NAE1: variants seen among roughly 807,000 people sequenced by gnomAD.
The protein encoded by NAE1 is NEDD8 activating enzyme E1 subunit 1, also known as NEDD8-activating enzyme E1 regulatory subunit.
NAE1 carries 59 observed loss-of-function variants against 88.0 expected under a neutral mutation model. The ratio of observed to expected loss-of-function variants is 0.67; its 90% CI spans 0.54 to 0.83. The LOEUF (loss-of-function observed/expected upper bound fraction) is 0.83, where lower values mean the gene tolerates loss of function less well. Ranked by LOEUF, NAE1 falls within the 40% of genes least tolerant of loss-of-function variation. The pLI, the probability that NAE1 is intolerant of heterozygous loss-of-function variation, is 0.00. For missense variants in NAE1, 554 were observed against 632.8 expected (o/e 0.88, Z 1.34); for synonymous variants, 186 against 208.9 (o/e 0.89, Z 0.95).
intron 19 of NAE1, chr16:66,805,481 A>T (rs536137357): frequency 6.5e-6 from 2 of 308,452 alleles, no homozygotes; most frequent in Admixed American, 5.0e-5. Context: ...TCTACAAAAA[A>T]TTGAAAAATT....
rs770534524 is a variant in NAE1, at chr16:66,803,065, T to G, written c.1549A>C (p.Asn517His). The G allele has an allele frequency of 1.6e-5, 25 of 1,612,890 alleles. No homozygotes were observed. The East Asian group carries it at 5.4e-4, about 35-fold the overall frequency. The change falls in exon 20 of 20, where the codon AAT becomes CAT. Residue 517 changes from asparagine to histidine, a missense_variant. Transcript: ENST00000290810. ...ATGCCACTGTAAATGTAAGTATTAT[T>G]AAAAATTACAAATTGTTTGGTGATT... is the stretch of plus-strand genomic sequence containing the variant. ...KIITKQFVIF[N>H]NTYIYSGMSQ...
rs957154822 is a variant in NAE1 at position 66,827,835 on chromosome 16, G to A, written c.54-1055C>T. On this transcript the variant is annotated intron_variant, in intron 1 of 19. Coordinates refer to ENST00000290810, the MANE Select transcript of NAE1 (RefSeq NM_003905.4). ...GTAGTCAGTATGTCCTCCAGAGCAT[G>A]TCAAGCAACTGCCTTGTTTTTTGTT... The A allele has an allele frequency of 7.6e-6, 5 of 655,012 alleles. No individual in the cohort carries two copies. The African/African-American group carries it at 9.1e-5, about 12-fold the overall frequency. The allele number at this position is 655,012 out of a possible 1,614,324, so 40.6% of individuals were successfully genotyped here.
intron 1 of NAE1, among the ~76,000 whole-genome samples, chr16:66,828,877 A>T (rs897454801): frequency 1.3e-5 from 2 of 151,736 alleles, no homozygotes; most frequent in Admixed American, 6.6e-5. Context: ...CAAGAGGCTG[A>T]GGCAGGAGGA....
intron 1 of NAE1, among the ~76,000 whole-genome samples, chr16:66,829,559 C>A (rs371747102): frequency 7.2e-5 from 11 of 152,342 alleles, no homozygotes; most frequent in Middle Eastern, 3.4e-3. Context: ...AAAGCCTCTA[C>A]TACAGCACTA....
At chr16:66,806,223 G>A (rs1392433107) in intron 17 of NAE1, 197 bp from the exon 18 acceptor site, 2 of 517,690 alleles carry the variant, frequency 3.9e-6, no homozygotes, top group Non-Finnish European at 6.2e-6. Context: ...GTAAAAATTT[G>A]AATTTAATTA....
At chr16:66,808,892 A>G (rs974091860) in intron 16 of NAE1, 97 bp downstream of exon 16, 2 of 747,244 alleles carry the variant, frequency 2.7e-6, no homozygotes, top group Non-Finnish European at 4.1e-6. Flanking sequence ...GTTATCTTTA[A>G]TATCATCACC....
intron 17 of NAE1, among the ~76,000 whole-genome samples, chr16:66,807,864 T>A (rs900939135): frequency 6.6e-6 from 1 of 152,044 alleles, no homozygotes; most frequent in African/African-American, 2.4e-5. Context: ...AACAAAGAAA[T>A]TCCTACATCT....
At chr16:66,803,707 C>T (rs1235564320) in intron 19 of NAE1, among the ~76,000 whole-genome samples, 1 of 151,980 alleles carries the variant, frequency 6.6e-6, no homozygotes, top group African/African-American at 2.4e-5. Flanking sequence ...TCTCTTGCCT[C>T]AGCCTCCCAA....
chr16:66,809,367 T>G (rs1208583269), intron 15 of NAE1, among the ~76,000 whole-genome samples: 3 of 152,220 alleles, frequency 2.0e-5, no homozygotes, highest in Non-Finnish European at 4.4e-5. Context: ...AGAATTGTTC[T>G]ACAGATTAAA....
Position 66,811,740 on chromosome 16 carries a change from TA to T in NAE1, c.1035-969del, listed in dbSNP as rs138949025. On this transcript the variant is annotated intron_variant, in intron 13 of 19. Coordinates refer to ENST00000290810, the MANE Select transcript of NAE1 (RefSeq NM_003905.4). ...TTACGTCTATTTACCTTTCACCCTC[TA>T]AAAATCATCAGTGTTCAGGCTGACT... is the stretch of plus-strand genomic sequence containing the variant. 1.8e-3 allele frequency among the ~76,000 whole-genome samples: 274 copies of T among 152,314 alleles called. 1 individual carries two copies. The highest frequency in any genetic ancestry group is 6.2e-3 in the African/African-American group (256 of 41,560).
At position 66,812,475 on chromosome 16, in the gene NAE1, A is replaced by G. The variant is rs563966540; in HGVS notation, c.1034+1089T>C. ...GTGGTAATTCTGTATTTCCCATTCAATTTTGCTTTGAGCTTAACAAGAATT... is the reference window on the plus strand; with the variant it reads ...GTGGTAATTCTGTATTTCCCATTCAGTTTTGCTTTGAGCTTAACAAGAATT... On this transcript the variant is annotated intron_variant, in intron 13 of 19. Coordinates refer to ENST00000290810, the MANE Select transcript of NAE1 (RefSeq NM_003905.4). Among the ~76,000 whole-genome samples the G allele has an allele frequency of 2.9e-3, 434 of 147,714 alleles. 1 individual carries two copies. Among genetic ancestry groups the G allele is most frequent in the Non-Finnish European group, 5.0e-3 (331 of 66,808 alleles).
Position 66,805,763 on chromosome 16 carries a change from T to C in NAE1, c.1495+14A>G, listed in dbSNP as rs769528826. ...ATGTAACAACAGGTGAGTCTTCTCA[T>C]ATATGGAACTCACCCCCCAAGAATG... On this transcript the variant is annotated intron_variant, in intron 19 of 19. Coordinates refer to ENST00000290810, the MANE Select transcript of NAE1 (RefSeq NM_003905.4). 8.2e-6 allele frequency: 12 copies of C among 1,471,374 alleles called. No individual in the cohort carries two copies. Among genetic ancestry groups the C allele is most frequent in the African/African-American group, 2.9e-5 (2 of 69,996 alleles). 91.1% of individuals were successfully genotyped at this position (1,471,374 alleles called of 1,614,324 possible). A position where few individuals can be genotyped will look rare whatever the true frequency, so the allele number is the denominator to read the frequency against.
intron 17 of NAE1, chr16:66,806,230 A>T: frequency 2.0e-6 from 1 of 494,130 alleles, no homozygotes; most frequent in Non-Finnish European, 3.3e-6. Context: ...TTTGAATTTA[A>T]TTAAATCTTT....
chr16:66,818,755 G>C (rs1960149220), intron 7 of NAE1, 118 bp from the exon 8 acceptor site: 5 of 1,334,758 alleles, frequency 3.7e-6, no homozygotes, highest in Non-Finnish European at 4.9e-6. Context: ...GCTCACTGCT[G>C]AAACTCCTGG....
At chr16:66,828,097 C>T (rs1189637949) in intron 1 of NAE1, 5 of 1,575,266 alleles carry the variant, frequency 3.2e-6, no homozygotes, top group Admixed American at 1.7e-5. Flanking sequence ...CCAGATGGAC[C>T]GTAAACGCCT....
rs777286363 is a variant in NAE1 at position 66,813,725 on chromosome 16, A to T, written c.901-28T>A. ...AAAAGAATAAGAAAAAATTAACATT[A>T]AGTGGCGTTTTACTTTGACCCAAAG... On this transcript the variant is annotated intron_variant, in intron 12 of 19. Transcript: ENST00000290810. 61 of 1,610,692 alleles carry T rather than the reference A, an allele frequency of 3.8e-5. 2 individuals carry two copies. The South Asian group carries it at 6.2e-4, about 16-fold the overall frequency.
At chr16:66,807,613 C>A (rs1282407980) in intron 17 of NAE1, among the ~76,000 whole-genome samples, 1 of 151,008 alleles carries the variant, frequency 6.6e-6, no homozygotes, top group Non-Finnish European at 1.5e-5. Flanking sequence ...GCACTCCAGC[C>A]TGGGCGACAG....
At chr16:66,828,024 C>T in intron 1 of NAE1, 2 of 1,613,966 alleles carry the variant, frequency 1.2e-6, no homozygotes, top group South Asian at 1.1e-5. Context: ...TCTTTCCACT[C>T]CACTGTATGC....
At chr16:66,827,693 A>G in intron 1 of NAE1, 1 of 357,976 alleles carries the variant, frequency 2.8e-6, no homozygotes, top group Non-Finnish European at 5.0e-6. Context: ...TCATCTGAAA[A>G]GCCTCACATC....
Sources: allele counts gnomAD v4.1 joint callset (sites outside exome capture counted in the v4.1 genomes callset), GRCh38; gene constraint gnomAD v4.1.1; transcripts MANE v1.5; gene names NCBI Gene and HGNC (gene_info 2026-07-23, HGNC 2026-07-21).